MTA3: variants seen among roughly 807,000 people sequenced by gnomAD.
MTA3 encodes the protein metastasis associated 1 family member 3.
In MTA3, 34 loss-of-function variants were observed where a neutral mutation model predicts 83.5. That is an observed-to-expected ratio of 0.41 (90% CI 0.31 to 0.54). MTA3 has a LOEUF of 0.54. Ranked by LOEUF, MTA3 falls within the 20% of genes least tolerant of loss-of-function variation. The probability of loss-of-function intolerance (pLI) is 0.33; values close to 1 mark genes in which losing one functional copy is unlikely to be tolerated. For missense variants in MTA3, 761 were observed against 726.4 expected (o/e 1.05, Z -0.55); for synonymous variants, 303 against 252.7 (o/e 1.20, Z -1.89).
At chr2:42,546,354 G>C (rs115104939) in intron 2 of MTA3, among the ~76,000 whole-genome samples, 7 of 152,066 alleles carry the variant, frequency 4.6e-5, no homozygotes, top group African/African-American at 1.7e-4. Flanking sequence ...TGGCAATCTC[G>C]GTTCCAGAAT....
At chr2:42,727,209 G>C (rs1314530852) in intron 16 of MTA3, among the ~76,000 whole-genome samples, 2 of 152,052 alleles carry the variant, frequency 1.3e-5, no homozygotes, top group Non-Finnish European at 2.9e-5. Context: ...TAAAAAGAAA[G>C]AAAGAAAGAA....
chr2:42,502,873 G>T (rs1261434173), intron 2 of MTA3, among the ~76,000 whole-genome samples: 3 of 150,778 alleles, frequency 2.0e-5, no homozygotes, highest in Admixed American at 6.6e-5. Flanking sequence ...TGAGGCAGGA[G>T]AATCACTTAA....
At chr2:42,533,520 C>CTTTTTTTTTTTTTTT (rs763768263) in intron 2 of MTA3, 1 of 128,604 alleles carries the variant, frequency 7.8e-6, no homozygotes, top group African/African-American at 2.9e-5. Flanking sequence ...CTTTTCTTTT[C>CTTTTTTTTTTTTTTT]TTTTTTTTTT....
chr2:42,647,457 C>T (rs994373162), intron 6 of MTA3, among the ~76,000 whole-genome samples: 4 of 151,930 alleles, frequency 2.6e-5, no homozygotes, highest in Non-Finnish European at 5.9e-5. Flanking sequence ...GAAGTCCTGA[C>T]TTCAAGCGAT....
intron 14 of MTA3, among the ~76,000 whole-genome samples, chr2:42,717,806 G>C (rs1470666388): frequency 6.6e-6 from 1 of 152,242 alleles, no homozygotes; most frequent in Non-Finnish European, 1.5e-5. Flanking sequence ...AGCCTTCACA[G>C]TGGGGAAGGG....
chr2:42,548,995 A>T (rs1219027504), intron 2 of MTA3, among the ~76,000 whole-genome samples: 1 of 132,492 alleles, frequency 7.5e-6, no homozygotes, highest in Admixed American at 9.1e-5. Flanking sequence ...ACCAACATGG[A>T]GAAACCCCAT....
chr2:42,640,071 T>C (rs1687571647), intron 4 of MTA3, 102 bp from the exon 5 acceptor site: 2 of 783,846 alleles, frequency 2.6e-6, no homozygotes, highest in African/African-American at 3.5e-5. Flanking sequence ...AACTGCCATG[T>C]AGTTTCTTAA....
chr2:42,737,937 T>A (rs560428235), intron 16 of MTA3, among the ~76,000 whole-genome samples: 3 of 152,298 alleles, frequency 2.0e-5, no homozygotes, highest in East Asian at 3.9e-4. Context: ...ATAAAGCAAG[T>A]CACATGAGTT....
At chr2:42,634,250 A>G (rs995744315) in intron 4 of MTA3, among the ~76,000 whole-genome samples, 14 of 152,216 alleles carry the variant, frequency 9.2e-5, no homozygotes, top group Admixed American at 3.9e-4. Flanking sequence ...TGTGGTAGTC[A>G]TGGAAATTTA....
At chr2:42,639,737 T>C (rs1687533217) in intron 4 of MTA3, among the ~76,000 whole-genome samples, 1 of 152,216 alleles carries the variant, frequency 6.6e-6, no homozygotes, top group African/African-American at 2.4e-5. Context: ...TAGTGGCTGC[T>C]CATAAAAATC....
chr2:42,740,906 T>A (rs940620187), intron 16 of MTA3, among the ~76,000 whole-genome samples: 1 of 152,180 alleles, frequency 6.6e-6, no homozygotes, highest in African/African-American at 2.4e-5. Context: ...AACAAGAGAG[T>A]CAGCCTGTCC....
chr2:42,657,100 C>G (rs1215753030), intron 7 of MTA3, among the ~76,000 whole-genome samples: 2 of 152,102 alleles, frequency 1.3e-5, no homozygotes, highest in African/African-American at 2.4e-5. Context: ...ATATAGGGAA[C>G]TCTAACAAAT....
intron 2 of MTA3, among the ~76,000 whole-genome samples, chr2:42,531,073 G>A (rs1257548459): frequency 2.0e-5 from 3 of 152,126 alleles, no homozygotes; most frequent in Non-Finnish European, 4.4e-5. Flanking sequence ...CAGGTGATCT[G>A]CTCACCTGGG....
intron 2 of MTA3, among the ~76,000 whole-genome samples, chr2:42,547,537 G>A (rs1415926334): frequency 6.6e-6 from 1 of 152,210 alleles, no homozygotes. Flanking sequence ...CACCATGTTG[G>A]CCAGGCTAGT....
intron 2 of MTA3, among the ~76,000 whole-genome samples, chr2:42,542,538 T>A (rs765516612): frequency 6.6e-5 from 10 of 152,060 alleles, no homozygotes; most frequent in African/African-American, 1.7e-4. Context: ...TCATACATAA[T>A]CTTTTATTTT....
chr2:42,732,049 G>A (rs997846069), intron 16 of MTA3, among the ~76,000 whole-genome samples: 1 of 152,208 alleles, frequency 6.6e-6, no homozygotes, highest in African/African-American at 2.4e-5. Context: ...AAAATGACCT[G>A]GTACACAGTG....
chr2:42,648,733 A>G (rs968957860), intron 6 of MTA3, among the ~76,000 whole-genome samples: 1 of 152,210 alleles, frequency 6.6e-6, no homozygotes, highest in Non-Finnish European at 1.5e-5. Flanking sequence ...TTTCCATAAA[A>G]GAGAAGTTTT....
chr2:42,548,830 A>T (rs1360546804), intron 2 of MTA3, among the ~76,000 whole-genome samples: 23 of 5,232 alleles, frequency 4.4e-3, no homozygotes, highest in African/African-American at 9.0e-3. Context: ...TATATATATA[A>T]TATATATATA....
At chr2:42,574,705 C>A (rs969737529) in intron 2 of MTA3, among the ~76,000 whole-genome samples, 3 of 152,206 alleles carry the variant, frequency 2.0e-5, no homozygotes, top group East Asian at 3.9e-4. Flanking sequence ...GGATTACAGG[C>A]GTGAACCACT....
Sources: gnomAD v4.1 joint callset for allele counts (sites outside exome capture counted in the v4.1 genomes callset) on GRCh38, gnomAD v4.1.1 for gene constraint, MANE v1.5 for transcripts, NCBI Gene and HGNC (gene_info 2026-07-23, HGNC 2026-07-21) for gene names.